Variants in REV3L observed in about 807,000 individuals in gnomAD.
The protein encoded by REV3L is REV3 like, DNA directed polymerase zeta catalytic subunit.
REV3L carries 69 observed loss-of-function variants against 299.4 expected under a neutral mutation model. The observed-to-expected ratio is 0.23, with a 90% CI of 0.19 to 0.28. The LOEUF is 0.28. REV3L is among the 10% of genes least tolerant of loss of function. REV3L has a pLI of 1.00. For missense variants in REV3L, 3,128 were observed against 3,693.8 expected (o/e 0.85, Z 3.97); for synonymous variants, 1,238 against 1,271.4 (o/e 0.97, Z 0.56).
chr6:111,373,017 T>C lies in REV3L; in HGVS notation c.5338A>G (p.Ser1780Gly). The change falls in exon 13 of 32, where the codon AGT (serine) becomes GGT (glycine). Residue 1780 changes from serine to glycine, a missense_variant. By Grantham distance (56) the Ser-to-Gly change is moderately conservative (BLOSUM62 0). Transcript: ENST00000368802. ...AGAAACACTTCTTTGCTTACTGAAC[T>C]CCTATTCAATCTAGATTTTTCACTT... Reference protein sequence around the residue: ...CLSEKSRLNRSSVSKEVFLSL... With the variant: ...CLSEKSRLNRGSVSKEVFLSL... The C allele has an allele frequency of 6.2e-7, 1 of 1,614,170 alleles. No homozygotes were observed.
At chr6:111,418,903 C>A (rs907415721) in intron 1 of REV3L, among the ~76,000 whole-genome samples, 3 of 152,034 alleles carry the variant, frequency 2.0e-5, no homozygotes, top group African/African-American at 7.2e-5. Context: ...ATTAAAGAAC[C>A]CACAACAAAA....
intron 1 of REV3L, among the ~76,000 whole-genome samples, chr6:111,448,786 AT>A (rs367755463): frequency 0.06 from 8,007 of 133,502 alleles, 233 homozygotes; most frequent in South Asian, 0.11. Flanking sequence ...ACACTTGGCT[AT>A]TTTTTTTTTT....
intron 3 of REV3L, among the ~76,000 whole-genome samples, chr6:111,407,443 ATCACACTG>A (rs1210084006): frequency 6.6e-6 from 1 of 152,210 alleles, no homozygotes; most frequent in Admixed American, 6.5e-5. Context: ...AATATGATTG[ATCACACTG>A]GAATGAGAAA....
intron 10 of REV3L, among the ~76,000 whole-genome samples, chr6:111,380,816 C>T (rs1780758056): frequency 6.6e-6 from 1 of 152,204 alleles, no homozygotes; most frequent in African/African-American, 2.4e-5. Flanking sequence ...ACTGTCAGCC[C>T]CTAGTTGGGA....
chr6:111,385,573 T>C (rs1285104507), intron 9 of REV3L, among the ~76,000 whole-genome samples: 4 of 152,142 alleles, frequency 2.6e-5, no homozygotes, highest in East Asian at 1.9e-4. Context: ...TAAAGGAATA[T>C]TGGTAAACTT....
In REV3L at chr6:111,341,856, G is replaced by A. The variant is rs1175651364; in HGVS notation, c.7538+2069C>T. On this transcript the variant is annotated intron_variant, in intron 21 of 31. Coordinates refer to ENST00000368802, the MANE Select transcript of REV3L (RefSeq NM_001372078.1). ...ACCACATGAGGCTGAATAAAGAGCAGCTCGCTGGGGGTTGAGTGTGGGCAG... is the reference window on the plus strand; with the variant it reads ...ACCACATGAGGCTGAATAAAGAGCAACTCGCTGGGGGTTGAGTGTGGGCAG... 1.6e-4 allele frequency among the ~76,000 whole-genome samples: 25 copies of A among 152,108 alleles called. 1 individual carries two copies. The highest frequency in any genetic ancestry group is 2.1e-4 in the South Asian group (1 of 4,810).
chr6:111,445,809 C>T (rs12207339), intron 1 of REV3L, among the ~76,000 whole-genome samples: 16,369 of 151,982 alleles, frequency 0.11, 1,157 homozygotes, highest in Middle Eastern at 0.21. Context: ...ATTTAACAGA[C>T]ATAGGAAAAG....
rs999730107 is a variant in REV3L, at chr6:111,299,333, T to C, written c.*683A>G. 2 of 152,544 alleles carry C rather than the reference T, an allele frequency of 1.3e-5. No homozygotes were observed. The highest frequency in any genetic ancestry group is 2.9e-5 in the Non-Finnish European group (2 of 68,026). The allele number at this position is 152,544 out of a possible 1,614,324, so 9.4% of individuals were successfully genotyped here. A position where few individuals can be genotyped will look rare whatever the true frequency, so the allele number is the denominator to read the frequency against. On this transcript the variant is annotated 3_prime_UTR_variant, in exon 32 of 32. Coordinates refer to ENST00000368802, the MANE Select transcript of REV3L (RefSeq NM_001372078.1). ...AAGTATTGCAACAGGCCCACAGGTT[T>C]GTAACAAAAATGTCTTTGCACAGTT...
chr6:111,452,324 C>T (rs1789647486), intron 1 of REV3L, among the ~76,000 whole-genome samples: 1 of 152,070 alleles, frequency 6.6e-6, no homozygotes, highest in African/African-American at 2.4e-5. Context: ...GTAAACTTAC[C>T]ATTCAACCCA....
At chr6:111,465,756 A>AAACAAACAAAAAAAAAAAAC (rs1554250449) in intron 1 of REV3L, among the ~76,000 whole-genome samples, 5 of 146,998 alleles carry the variant, frequency 3.4e-5, no homozygotes, top group Non-Finnish European at 6.0e-5. Flanking sequence ...AAAAAAAAAA[A>AAACAAACAAAAAAAAAAAAC]AAAAAAAAAA....
At chr6:111,333,544 G>A (rs1459984584) in intron 22 of REV3L, among the ~76,000 whole-genome samples, 177 bp from the exon 23 acceptor site, 2 of 151,754 alleles carry the variant, frequency 1.3e-5, no homozygotes, top group Non-Finnish European at 1.5e-5. Flanking sequence ...GCACGATTGC[G>A]GCTCACTGCA....
intron 28 of REV3L, chr6:111,312,238 A>G (rs1024482102): frequency 1.3e-5 from 2 of 152,318 alleles, no homozygotes; most frequent in African/African-American, 4.8e-5. Flanking sequence ...GTACTGGATT[A>G]TATCTCTTCC....
intron 26 of REV3L, 76 bp from the exon 27 acceptor site, chr6:111,315,457 G>GC (rs1773414912): frequency 1.8e-6 from 2 of 1,093,616 alleles, no homozygotes; most frequent in Middle Eastern, 2.2e-4. Context: ...AACTTTCCTG[G>GC]CTATGACTCT....
At chr6:111,388,250 C>T (rs769894097) in intron 7 of REV3L, among the ~76,000 whole-genome samples, 165 bp from the exon 8 acceptor site, 13 of 152,056 alleles carry the variant, frequency 8.5e-5, no homozygotes, top group Admixed American at 3.3e-4. Flanking sequence ...AAAAGAGAAA[C>T]GGTTGTTACT....
intron 1 of REV3L, among the ~76,000 whole-genome samples, chr6:111,417,622 TATGATTTAGA>T (rs1473395089): frequency 6.6e-6 from 1 of 152,240 alleles, no homozygotes; most frequent in Non-Finnish European, 1.5e-5. Flanking sequence ...ATTTCCCATT[TATGATTTAGA>T]ATGATTTATA....
intron 2 of REV3L, chr6:111,411,914 T>C (rs1346763760): frequency 2.2e-6 from 2 of 900,702 alleles, no homozygotes; most frequent in Admixed American, 6.2e-5. Flanking sequence ...ACTCCACATA[T>C]AAGAAAACAT....
intron 1 of REV3L, among the ~76,000 whole-genome samples, chr6:111,425,649 C>CCATATATATATATATATGCACA (rs1327060535): frequency 6.6e-6 from 1 of 150,826 alleles, no homozygotes; most frequent in Non-Finnish European, 1.5e-5. Context: ...AAATATGGCA[C>CCATATATATATATATATGCACA]CATATATATA....
At chr6:111,448,235 C>G (rs1444507335) in intron 1 of REV3L, among the ~76,000 whole-genome samples, 1 of 152,148 alleles carries the variant, frequency 6.6e-6, no homozygotes, top group African/African-American at 2.4e-5. Context: ...GCAGAGAAAA[C>G]AATGGAAGAG....
At chr6:111,402,730 GCT>G (rs1783219217) in intron 4 of REV3L, among the ~76,000 whole-genome samples, 1 of 152,076 alleles carries the variant, frequency 6.6e-6, no homozygotes, top group South Asian at 2.1e-4. Flanking sequence ...GACAAAAAAT[GCT>G]AACCTCTGCT....
Sources: gnomAD v4.1 joint callset for allele counts (sites outside exome capture counted in the v4.1 genomes callset) on GRCh38, gnomAD v4.1.1 for gene constraint, MANE v1.5 for transcripts, NCBI Gene and HGNC (gene_info 2026-07-23, HGNC 2026-07-21) for gene names.